MOB3B: variants seen among roughly 807,000 people sequenced by gnomAD.
MOB3B encodes the protein MOB kinase activator-like 2B.
A neutral mutation model predicts 18.7 loss-of-function variants in MOB3B; 7 were observed. That is an observed-to-expected ratio of 0.37 (90% CI 0.21 to 0.70). MOB3B has a LOEUF of 0.70. Ranked by LOEUF, MOB3B falls within the 30% of genes least tolerant of loss-of-function variation. MOB3B has a pLI of 0.52. For missense variants in MOB3B, 253 were observed against 281.3 expected, an observed-to-expected ratio of 0.90 and a Z score of 0.72; for synonymous variants, 111 against 99.9, an observed-to-expected ratio of 1.11 and a Z score of -0.66.
intron 1 of MOB3B, among the ~76,000 whole-genome samples, chr9:27,481,884 G>C (rs1819663385): frequency 6.6e-6 from 1 of 152,068 alleles, no homozygotes; most frequent in South Asian, 2.1e-4. Context: ...TGTCACATAT[G>C]TTAACTTTCA....
At chr9:27,446,307 C>A (rs1182758709) in intron 2 of MOB3B, among the ~76,000 whole-genome samples, 4 of 152,060 alleles carry the variant, frequency 2.6e-5, no homozygotes, top group Non-Finnish European at 1.5e-5. Context: ...TAGTTCACCA[C>A]GTGTCTACTT....
At chr9:27,512,550 T>C (rs1214704957) in intron 1 of MOB3B, among the ~76,000 whole-genome samples, 1 of 152,186 alleles carries the variant, frequency 6.6e-6, no homozygotes, top group Non-Finnish European at 1.5e-5. Context: ...ATTTCATTTA[T>C]TTAGTTTTTC....
intron 1 of MOB3B, among the ~76,000 whole-genome samples, chr9:27,517,307 C>T (rs998255497): frequency 6.6e-6 from 1 of 152,114 alleles, no homozygotes; most frequent in African/African-American, 2.4e-5. Context: ...ATGATGATAA[C>T]TATCATTTAT....
chr9:27,351,087 G>C (rs1299830561), intron 3 of MOB3B, among the ~76,000 whole-genome samples: 1 of 151,966 alleles, frequency 6.6e-6, no homozygotes, highest in Non-Finnish European at 1.5e-5. Flanking sequence ...ATTTTTAGTA[G>C]AGATGGGGTT....
At chr9:27,362,985 C>A (rs1474592143) in intron 2 of MOB3B, among the ~76,000 whole-genome samples, 1 of 152,204 alleles carries the variant, frequency 6.6e-6, no homozygotes, top group Admixed American at 6.5e-5. Flanking sequence ...GACTCTGGAA[C>A]TTTCTCATTC....
chr9:27,414,975 C>G (rs1426122487), intron 2 of MOB3B, among the ~76,000 whole-genome samples: 1 of 152,172 alleles, frequency 6.6e-6, no homozygotes, highest in Non-Finnish European at 1.5e-5. Flanking sequence ...AATTCTCCTG[C>G]CTCAGCCTCC....
At chr9:27,366,559 A>G (rs551479059) in intron 2 of MOB3B, among the ~76,000 whole-genome samples, 34 of 152,314 alleles carry the variant, frequency 2.2e-4, no homozygotes, top group African/African-American at 7.5e-4. Flanking sequence ...CTCCTTTAGA[A>G]TATGCAGAAA....
chr9:27,326,714 G>A lies in MOB3B; in HGVS notation c.*3873C>T, dbSNP rs1242842754. The A allele has an allele frequency of 2.5e-6, 1 of 397,120 alleles. No homozygotes were observed. Among genetic ancestry groups the A allele is most frequent in the African/African-American group, 2.1e-5 (1 of 48,584 alleles). The allele number at this position is 397,120 out of a possible 1,614,324, so 24.6% of individuals were successfully genotyped here. Reference sequence around the variant, plus strand: ...TCTTTGGAAATGAGAAAATACCCAGGGAAGAGAAAACGAACAATTTAAGAA... The same window carrying A: ...TCTTTGGAAATGAGAAAATACCCAGAGAAGAGAAAACGAACAATTTAAGAA... On this transcript the variant is annotated 3_prime_UTR_variant, in exon 4 of 4. Coordinates refer to ENST00000262244, the MANE Select transcript of MOB3B (RefSeq NM_024761.5).
chr9:27,463,617 G>C (rs1587234264), intron 1 of MOB3B, among the ~76,000 whole-genome samples: 2 of 152,118 alleles, frequency 1.3e-5, no homozygotes, highest in African/African-American at 4.8e-5. Flanking sequence ...ACTTTAGCTG[G>C]CTATGTCTTT....
At chr9:27,336,766 G>A (rs762112294) in intron 3 of MOB3B, among the ~76,000 whole-genome samples, 17 of 151,996 alleles carry the variant, frequency 1.1e-4, no homozygotes, top group South Asian at 4.2e-4. Context: ...CAGCACGCCC[G>A]CACACGTGTA....
intron 3 of MOB3B, among the ~76,000 whole-genome samples, chr9:27,357,430 T>C (rs1032352561): frequency 6.6e-6 from 1 of 151,662 alleles, no homozygotes; most frequent in Non-Finnish European, 1.5e-5. Flanking sequence ...CTGCAGAGCC[T>C]GCACCCCAAA....
chr9:27,524,396 A>G (rs1820395096), intron 1 of MOB3B: 8 of 1,614,088 alleles, frequency 5.0e-6, no homozygotes, highest in South Asian at 1.1e-5. Context: ...TTATGGGTAT[A>G]TTCATTGCTG....
chr9:27,375,004 C>CAGGG, intron 2 of MOB3B, among the ~76,000 whole-genome samples: 1 of 152,340 alleles, frequency 6.6e-6, no homozygotes, highest in Middle Eastern at 3.4e-3. Flanking sequence ...TTTTAGGGAG[C>CAGGG]AGGGGCTCTG....
intron 2 of MOB3B, among the ~76,000 whole-genome samples, chr9:27,448,587 A>G (rs1031506600): frequency 2.0e-5 from 3 of 152,198 alleles, no homozygotes; most frequent in South Asian, 2.1e-4. Context: ...TGATTCAATT[A>G]TCTCCCACTG....
chr9:27,445,513 GA>G (rs1277042743), intron 2 of MOB3B, among the ~76,000 whole-genome samples: 1 of 152,190 alleles, frequency 6.6e-6, no homozygotes, highest in Non-Finnish European at 1.5e-5. Flanking sequence ...GTACCTCGTT[GA>G]CACATTTGCT....
At chr9:27,436,202 TG>T (rs1484612732) in intron 2 of MOB3B, among the ~76,000 whole-genome samples, 3 of 152,358 alleles carry the variant, frequency 2.0e-5, no homozygotes, top group African/African-American at 7.2e-5. Flanking sequence ...AATATTTGTA[TG>T]TGAGCTTGTA....
At chr9:27,525,033 T>A in intron 1 of MOB3B, 2 of 1,285,370 alleles carry the variant, frequency 1.6e-6, no homozygotes, top group Non-Finnish European at 2.1e-6. Flanking sequence ...AACTTCTTTT[T>A]AAGGATTGTT....
chr9:27,340,283 A>G (rs1820920383), intron 3 of MOB3B, among the ~76,000 whole-genome samples: 1 of 152,230 alleles, frequency 6.6e-6, no homozygotes, highest in Non-Finnish European at 1.5e-5. Flanking sequence ...CACACTCGCC[A>G]CCCACGGAGA....
chr9:27,357,150 T>TATATATATATATATA, intron 3 of MOB3B, among the ~76,000 whole-genome samples: 1 of 60,144 alleles, frequency 1.7e-5, no homozygotes. Context: ...ATATATGTGT[T>TATATATATATATATA]TTTTTTTTTG....
Sources: allele counts gnomAD v4.1 joint callset (sites outside exome capture counted in the v4.1 genomes callset), GRCh38; gene constraint gnomAD v4.1.1; transcripts MANE v1.5; gene names NCBI Gene and HGNC (gene_info 2026-07-23, HGNC 2026-07-21).